Variants in CHST11 observed in about 807,000 individuals in gnomAD.
CHST11 encodes the protein carbohydrate sulfotransferase 11.
CHST11 carries 9 observed loss-of-function variants against 30.4 expected under a neutral mutation model. The ratio of observed to expected loss-of-function variants is 0.30; its 90% CI spans 0.18 to 0.52. CHST11 has a LOEUF of 0.52. Ranked by LOEUF, CHST11 falls within the 20% of genes least tolerant of loss-of-function variation. The pLI, the probability that CHST11 is intolerant of heterozygous loss-of-function variation, is 0.97. For missense variants in CHST11, 348 were observed against 460.6 expected (o/e 0.76, Z 2.24); for synonymous variants, 152 against 187.8 (o/e 0.81, Z 1.56).
At chr12:104,570,375 C>T (rs138079107) in intron 1 of CHST11, among the ~76,000 whole-genome samples, 141 of 152,220 alleles carry the variant, frequency 9.3e-4, no homozygotes, top group Non-Finnish European at 1.7e-3. Flanking sequence ...GTCTGTAAAC[C>T]TTCCACACTC....
chr12:104,537,628 C>T (rs565455871), intron 1 of CHST11, among the ~76,000 whole-genome samples: 2 of 151,288 alleles, frequency 1.3e-5, no homozygotes, highest in East Asian at 1.9e-4. Context: ...GTTTAAAATT[C>T]GAGAAAAGTT....
chr12:104,720,783 CAA>C (rs1168151464), intron 2 of CHST11, among the ~76,000 whole-genome samples: 1 of 151,356 alleles, frequency 6.6e-6, no homozygotes, highest in Admixed American at 6.6e-5. Flanking sequence ...GAAAAAAAAA[CAA>C]AACAAGTTCA....
chr12:104,531,511 T>C (rs1345098406), intron 1 of CHST11, among the ~76,000 whole-genome samples: 1 of 150,920 alleles, frequency 6.6e-6, no homozygotes, highest in Non-Finnish European at 1.5e-5. Flanking sequence ...TTAAGTGACA[T>C]GGATACAAAG....
chr12:104,647,672 A>G lies in CHST11; in HGVS notation c.204+45681A>G, dbSNP rs1241250023. ...ATATTTCCATATATATATGTTATCT[A>G]TTGGTATGCTCTATCCCCCCAAAAG... On this transcript the variant is annotated intron_variant, in intron 2 of 2. Coordinates refer to ENST00000303694, the MANE Select transcript of CHST11 (RefSeq NM_018413.6). 5.3e-5 allele frequency among the ~76,000 whole-genome samples: 8 copies of G among 152,142 alleles called. No homozygotes were observed. The East Asian group carries it at 1.3e-3, about 26-fold the overall frequency.
intron 1 of CHST11, among the ~76,000 whole-genome samples, chr12:104,543,525 G>A (rs2038305139): frequency 1.3e-5 from 2 of 152,334 alleles, no homozygotes; most frequent in South Asian, 4.1e-4. Context: ...CTGTTTTGCA[G>A]AGAAATGTGG....
chr12:104,536,725 C>A (rs1210400447), intron 1 of CHST11, among the ~76,000 whole-genome samples: 1 of 152,192 alleles, frequency 6.6e-6, no homozygotes, highest in Non-Finnish European at 1.5e-5. Context: ...ACACTTGGCA[C>A]AGAGCGAGGC....
At chr12:104,657,609 T>A (rs2039557793) in intron 2 of CHST11, among the ~76,000 whole-genome samples, 1 of 152,204 alleles carries the variant, frequency 6.6e-6, no homozygotes, top group South Asian at 2.1e-4. Flanking sequence ...GCATGTTCCA[T>A]TTCACAGCTT....
At chr12:104,473,202 A>G (rs1309653946) in intron 1 of CHST11, among the ~76,000 whole-genome samples, 1 of 152,062 alleles carries the variant, frequency 6.6e-6, no homozygotes, top group African/African-American at 2.4e-5. Context: ...TATTATCATC[A>G]TTTAATGGGA....
intron 2 of CHST11, among the ~76,000 whole-genome samples, chr12:104,747,949 A>G (rs2040401468): frequency 6.6e-6 from 1 of 152,234 alleles, no homozygotes; most frequent in African/African-American, 2.4e-5. Flanking sequence ...GTAAAATTTT[A>G]AAGACTTTTT....
chr12:104,734,600 T>C (rs1476208805), intron 2 of CHST11, among the ~76,000 whole-genome samples: 1 of 152,140 alleles, frequency 6.6e-6, no homozygotes, highest in Non-Finnish European at 1.5e-5. Context: ...TCCAGTCCCA[T>C]GTTTCTTACT....
chr12:104,667,552 A>G (rs933007325), intron 2 of CHST11, among the ~76,000 whole-genome samples: 2 of 152,182 alleles, frequency 1.3e-5, no homozygotes, highest in African/African-American at 4.8e-5. Context: ...TGGACACAGG[A>G]TGGTTTTAGA....
chr12:104,514,674 A>T (rs1042253293), intron 1 of CHST11, among the ~76,000 whole-genome samples: 17 of 152,280 alleles, frequency 1.1e-4, no homozygotes, highest in African/African-American at 4.1e-4. Context: ...GGCTTATCAC[A>T]TGGTGAGGGA....
At chr12:104,479,665 T>C (rs1468177877) in intron 1 of CHST11, among the ~76,000 whole-genome samples, 1 of 152,218 alleles carries the variant, frequency 6.6e-6, no homozygotes, top group Non-Finnish European at 1.5e-5. Context: ...TTAAAAAGTC[T>C]TGCACTCTTA....
In CHST11 at chr12:104,546,461, C is replaced by CAAA. The variant is rs760073702; in HGVS notation, c.119-55429_119-55427dup. Among the ~76,000 whole-genome samples the CAAA allele has an allele frequency of 3.9e-3, 259 of 66,836 alleles. 1 individual carries two copies. The highest frequency in any genetic ancestry group is 0.011 in the African/African-American group (248 of 21,738). The allele number at this position is 66,836 out of a possible 152,430, so 43.8% of individuals were successfully genotyped here. A position where few individuals can be genotyped will look rare whatever the true frequency, so the allele number is the denominator to read the frequency against. ...CCACCTTGGGTGACAGACCCTGTCT[C>CAAA]AAAAAAAAAAAAAAAAAAGATTTAA... On this transcript the variant is annotated intron_variant, in intron 1 of 2. Transcript: ENST00000303694.
intron 1 of CHST11, among the ~76,000 whole-genome samples, chr12:104,536,974 C>T (rs951280579): frequency 6.6e-6 from 1 of 152,176 alleles, no homozygotes; most frequent in Non-Finnish European, 1.5e-5. Flanking sequence ...GGCAGCAGTC[C>T]TAATAACTTT....
chr12:104,605,540 C>T (rs895299191), intron 2 of CHST11, among the ~76,000 whole-genome samples: 1 of 152,188 alleles, frequency 6.6e-6, no homozygotes, highest in African/African-American at 2.4e-5. Context: ...GATTGCGCCA[C>T]TGCAGTCCAG....
intron 2 of CHST11, among the ~76,000 whole-genome samples, chr12:104,689,046 A>G (rs907726831): frequency 6.6e-6 from 1 of 152,228 alleles, no homozygotes; most frequent in Admixed American, 6.5e-5. Context: ...TTCTATATAC[A>G]CACATTCGTG....
At chr12:104,551,382 T>G (rs894977225) in intron 1 of CHST11, among the ~76,000 whole-genome samples, 2 of 152,092 alleles carry the variant, frequency 1.3e-5, no homozygotes, top group Non-Finnish European at 2.9e-5. Flanking sequence ...GGAAGTTGGC[T>G]GGTTTTCAAC....
At chr12:104,534,280 T>G (rs2038214815) in intron 1 of CHST11, among the ~76,000 whole-genome samples, 1 of 152,200 alleles carries the variant, frequency 6.6e-6, no homozygotes. Context: ...ACTCTACCCC[T>G]CATTTCCATT....
Sources: allele counts gnomAD v4.1 joint callset (sites outside exome capture counted in the v4.1 genomes callset), GRCh38; gene constraint gnomAD v4.1.1; transcripts MANE v1.5; gene names NCBI Gene and HGNC (gene_info 2026-07-23, HGNC 2026-07-21).